The following SYBU variants were observed in gnomAD, a reference collection of about 807,000 sequenced individuals.
SYBU encodes the protein syntabulin.
Under a neutral mutation model 35.9 loss-of-function variants are expected in SYBU, and 21 were observed. The ratio of observed to expected loss-of-function variants is 0.58; its 90% confidence interval spans 0.41 to 0.84. The LOEUF (loss-of-function observed/expected upper bound fraction) is 0.84, where lower values mean the gene tolerates loss of function less well. SYBU is among the 40% of genes least tolerant of loss of function. SYBU has a pLI of 0.00. For synonymous variants in SYBU, 319 were observed against 324.3 expected (o/e 0.98, Z 0.18); for missense variants, 768 against 848.2 (o/e 0.91, Z 1.17).
chr8:109,613,019 A>T (rs112098603), intron 3 of SYBU, among the ~76,000 whole-genome samples: 1,582 of 151,606 alleles, frequency 0.01, 30 homozygotes, highest in African/African-American at 0.036. Flanking sequence ...AAGAAAAAAA[A>T]AAGAAAGGAA....
At chr8:109,596,553 G>T (rs1824902751) in intron 3 of SYBU, among the ~76,000 whole-genome samples, 2 of 152,200 alleles carry the variant, frequency 1.3e-5, no homozygotes, top group Middle Eastern at 3.4e-3. Context: ...TAGAATTTGA[G>T]GATTTTTGTT....
chr8:109,619,391 T>G (rs1013443035), intron 2 of SYBU, among the ~76,000 whole-genome samples: 6 of 152,010 alleles, frequency 3.9e-5, no homozygotes, highest in African/African-American at 1.4e-4. Flanking sequence ...GCCCGGGTAT[T>G]TTTTGTGTGT....
chr8:109,653,029 G>T (rs1816211890), intron 1 of SYBU, among the ~76,000 whole-genome samples: 1 of 151,992 alleles, frequency 6.6e-6, no homozygotes, highest in Non-Finnish European at 1.5e-5. Flanking sequence ...TAGATTTCTT[G>T]GTCTCCTTTC....
At chr8:109,624,765 T>G (rs1812799828) in intron 2 of SYBU, among the ~76,000 whole-genome samples, 1 of 151,844 alleles carries the variant, frequency 6.6e-6, no homozygotes, top group African/African-American at 2.4e-5. Flanking sequence ...AATAATGAGT[T>G]AAATTAGAGA....
intron 2 of SYBU, among the ~76,000 whole-genome samples, chr8:109,621,516 C>G (rs573447302): frequency 3.9e-5 from 6 of 152,278 alleles, no homozygotes; most frequent in South Asian, 4.1e-4. Context: ...ACTCTCTACT[C>G]TTGTGCTTCA....
chr8:109,648,891 TTGTG>T, upstream of SYBU: 1 of 151,966 alleles, frequency 6.6e-6, no homozygotes. Flanking sequence ...TGAGATTTTT[TTGTG>T]TGTGTGGTGG....
At position 109,596,997 on chromosome 8, in the gene SYBU, G is replaced by A. The variant is rs200804842; in HGVS notation, c.428-10835C>T. Among the ~76,000 whole-genome samples, 500 of 152,228 alleles carry A rather than the reference G, an allele frequency of 3.3e-3. 2 individuals carry two copies. The highest frequency in any genetic ancestry group is 6.8e-3 in the Middle Eastern group (2 of 294). The stretch of plus-strand genomic sequence containing the variant: ...GTTATGAAGAGTAAAAGTAAAACTA[G>A]AATCTCTGTTTTACCTTATTCCAAT... On this transcript the variant is annotated intron_variant, in intron 3 of 6. Transcript: ENST00000276646.
chr8:109,644,842 G>A (rs1254914774), upstream of SYBU: 2 of 582,750 alleles, frequency 3.4e-6, no homozygotes, highest in East Asian at 3.6e-5. Context: ...GGGCACGCCC[G>A]ACCCCGCCCC....
rs192658841 is a variant in SYBU at position 109,665,006 on chromosome 8, A to T, written c.-129+15705T>A. ...ATATCCTTTTTTAAATGCTTATTTGATCAGGAAAGTTATTGGTTAATTAAC... is the reference window on the plus strand; with the variant it reads ...ATATCCTTTTTTAAATGCTTATTTGTTCAGGAAAGTTATTGGTTAATTAAC... On this transcript the variant is annotated intron_variant, in intron 1 of 5. Coordinates refer to the SYBU transcript ENST00000408889. Among the ~76,000 whole-genome samples, 201 of 152,280 alleles carry T rather than the reference A, an allele frequency of 1.3e-3. 2 individuals carry two copies. Among genetic ancestry groups the T allele is most frequent in the African/African-American group, 4.7e-3 (196 of 41,552 alleles).
At chr8:109,629,221 G>T (rs923343631) in intron 2 of SYBU, among the ~76,000 whole-genome samples, 1 of 152,288 alleles carries the variant, frequency 6.6e-6, no homozygotes, top group South Asian at 2.1e-4. Flanking sequence ...CTATGCATGA[G>T]ATAACAAAAA....
intron 3 of SYBU, among the ~76,000 whole-genome samples, chr8:109,613,254 T>C (rs766747439): frequency 1.3e-5 from 2 of 152,224 alleles, no homozygotes; most frequent in Non-Finnish European, 1.5e-5. Context: ...AGTTTTCCTG[T>C]ACATGAAGTG....
chr8:109,612,799 G>A (rs965956861), intron 3 of SYBU, among the ~76,000 whole-genome samples: 4 of 152,106 alleles, frequency 2.6e-5, no homozygotes, highest in African/African-American at 7.2e-5. Context: ...GACCAACATG[G>A]TGAAACCCCG....
chr8:109,670,875 G>A (rs1180642575), intron 1 of SYBU, among the ~76,000 whole-genome samples: 1 of 152,084 alleles, frequency 6.6e-6, no homozygotes, highest in Non-Finnish European at 1.5e-5. Context: ...AGGAGGGAGG[G>A]AGGGAGAGGT....
rs1817640485 is a variant in SYBU at position 109,691,348 on chromosome 8, A to C, written c.-73T>G. 1.4e-6 allele frequency: 1 copy of C among 701,814 alleles called. No individual in the cohort carries two copies. Among genetic ancestry groups the C allele is most frequent in the Non-Finnish European group, 2.6e-6 (1 of 384,628 alleles). The allele number at this position is 701,814 out of a possible 1,614,324, so 43.5% of individuals were successfully genotyped here. A position where few individuals can be genotyped will look rare whatever the true frequency, so the allele number is the denominator to read the frequency against. On this transcript the variant is annotated 5_prime_UTR_variant, in exon 1 of 8. Coordinates refer to the SYBU transcript ENST00000422135. This position sits in a 1 kb window ranked among gnomAD's most constrained non-coding sequence, Gnocchi z 4.7. ...CCGGTCTTACCCTTTCTCGCCCAGA[A>C]GGGCCCCATCGCGCTGTCCAGGAGG...
At chr8:109,631,975 G>T (rs1813675933) in intron 2 of SYBU, among the ~76,000 whole-genome samples, 2 of 152,042 alleles carry the variant, frequency 1.3e-5, no homozygotes, top group African/African-American at 4.8e-5. Flanking sequence ...AAAGGAAAGG[G>T]AGAAGAAAGA....
At chr8:109,666,397 T>C (rs73321085) in intron 1 of SYBU, among the ~76,000 whole-genome samples, 5,346 of 151,822 alleles carry the variant, frequency 0.035, 290 homozygotes, top group African/African-American at 0.12. Context: ...ACCCAGGTCA[T>C]TACAAATAAA....
chr8:109,638,903 G>A (rs1041994420), intron 2 of SYBU, among the ~76,000 whole-genome samples: 3 of 152,110 alleles, frequency 2.0e-5, no homozygotes, highest in Admixed American at 6.6e-5. Context: ...GCTCTTTGGG[G>A]ACACACCCCA....
intron 3 of SYBU, among the ~76,000 whole-genome samples, chr8:109,590,409 T>A (rs942961145): frequency 9.1e-6 from 1 of 110,274 alleles, no homozygotes; most frequent in African/African-American, 5.6e-5. Context: ...CATATACAGG[T>A]GTTTTTTTTT....
At chr8:109,576,042 T>TAAAAAAAAA (rs71305959) in intron 6 of SYBU, 29 bp from the exon 7 acceptor site, 3 of 846,578 alleles carry the variant, frequency 3.5e-6, no homozygotes, top group Non-Finnish European at 3.1e-6. Flanking sequence ...CATGGTTAAT[T>TAAAAAAAAA]AAAAAAAAAA....
Sources: allele counts gnomAD v4.1 joint callset (sites outside exome capture counted in the v4.1 genomes callset), GRCh38; gene constraint gnomAD v4.1.1; non-coding constraint Gnocchi (gnomAD v3.1); transcripts MANE v1.5; gene names NCBI Gene and HGNC (gene_info 2026-07-23, HGNC 2026-07-21).